Variants in SLC23A2 observed in about 807,000 individuals in gnomAD.
The protein encoded by SLC23A2 is solute carrier family 23 member 2.
Under a neutral mutation model 73.3 loss-of-function variants are expected in SLC23A2, and 36 were observed. That is an observed-to-expected ratio of 0.49 (90% CI 0.38 to 0.65). The LOEUF is 0.65. SLC23A2 is among the 30% of genes least tolerant of loss of function. SLC23A2 has a pLI of 0.00. For missense variants in SLC23A2, 507 were observed against 841.6 expected (o/e 0.60, Z 4.92); for synonymous variants, 343 against 327.3 (o/e 1.05, Z -0.52).
chr20:4,920,390 A>G (rs1305751458), intron 3 of SLC23A2, among the ~76,000 whole-genome samples: 3 of 152,336 alleles, frequency 2.0e-5, no homozygotes, highest in Non-Finnish European at 1.5e-5. Flanking sequence ...ACAGAGGGCA[A>G]TTTGGTGAGT....
upstream of SLC23A2, among the ~76,000 whole-genome samples, chr20:5,004,186 T>C (rs971503103): frequency 6.6e-6 from 1 of 152,168 alleles, no homozygotes; most frequent in Admixed American, 6.5e-5. Flanking sequence ...CTGAATATTC[T>C]CCAGGAATTG....
At chr20:4,956,727 A>G (rs963872125) in intron 2 of SLC23A2, among the ~76,000 whole-genome samples, 2 of 151,948 alleles carry the variant, frequency 1.3e-5, no homozygotes, top group African/African-American at 4.8e-5. Flanking sequence ...GCTCCCTTGC[A>G]GCTAGATGCA....
Position 4,899,197 on chromosome 20 carries a change from C to T in SLC23A2, c.482+358G>A, listed in dbSNP as rs747185191. Among the ~76,000 whole-genome samples the T allele has an allele frequency of 2.6e-5, 4 of 152,166 alleles. No homozygotes were observed. Among genetic ancestry groups the T allele is most frequent in the Non-Finnish European group, 4.4e-5 (3 of 68,030 alleles). ...ACAAAGTGAGTCCAAGAGCAGTGCC[C>T]TGGAGGCAGGGAAGCCAACGGGGAG... On this transcript the variant is annotated intron_variant, in intron 6 of 16. Transcript: ENST00000338244. This position sits in a 1 kb window ranked among gnomAD's most constrained non-coding sequence, Gnocchi z 4.9.
At chr20:4,919,946 C>T (rs1932447974) in intron 3 of SLC23A2, among the ~76,000 whole-genome samples, 1 of 152,180 alleles carries the variant, frequency 6.6e-6, no homozygotes, top group Non-Finnish European at 1.5e-5. Context: ...CAACCTTACT[C>T]ATAAGAAGAT....
chr20:4,867,934 G>T, intron 12 of SLC23A2, 59 bp from the exon 13 acceptor site: 3 of 991,852 alleles, frequency 3.0e-6, no homozygotes, highest in Non-Finnish European at 4.8e-6. Context: ...CATTCACTCT[G>T]AAATAGCCTC....
upstream of SLC23A2, among the ~76,000 whole-genome samples, chr20:5,006,390 G>A (rs2088191349): frequency 6.6e-6 from 1 of 151,698 alleles, no homozygotes; most frequent in South Asian, 2.1e-4. Flanking sequence ...GAGCCACCGT[G>A]CCCAGTCATA....
chr20:4,890,734 A>T (rs1020358876), intron 6 of SLC23A2, among the ~76,000 whole-genome samples: 1 of 151,466 alleles, frequency 6.6e-6, no homozygotes, highest in African/African-American at 2.4e-5. Context: ...GTATCCATCC[A>T]TCCATCCATC....
chr20:4,867,241 C>T (rs1043269567), intron 13 of SLC23A2, among the ~76,000 whole-genome samples: 2 of 152,018 alleles, frequency 1.3e-5, no homozygotes, highest in East Asian at 3.9e-4. Flanking sequence ...CCTTCCACTT[C>T]CAGGATAGGG....
chr20:4,966,003 G>C (rs572179188), intron 2 of SLC23A2, among the ~76,000 whole-genome samples: 2 of 149,048 alleles, frequency 1.3e-5, no homozygotes, highest in African/African-American at 4.9e-5. Flanking sequence ...AGGAGATCAA[G>C]GCTGCGGTGA....
intron 9 of SLC23A2, among the ~76,000 whole-genome samples, chr20:4,877,158 T>C (rs553571524): frequency 3.0e-4 from 45 of 152,036 alleles, no homozygotes; most frequent in African/African-American, 1.0e-3. Flanking sequence ...ACTTAAAGTA[T>C]AATAAAATAT....
At position 4,883,740 on chromosome 20, in the gene SLC23A2, G is replaced by A. The variant is rs764030094; in HGVS notation, c.726C>T (p.Ile242=). The A allele has an allele frequency of 1.9e-6, 3 of 1,613,832 alleles. No individual in the cohort carries two copies. The highest frequency in any genetic ancestry group is 2.5e-6 in the Non-Finnish European group (3 of 1,179,748). ...LGLPGALLKY[I]GPLTITPTVA... ...CCGTGGGTGTAATGGTCAAGGGACC[G>A]ATGTACTTCAGTAGAGCCCCAGGCA... Residue 242 remains isoleucine (I), a synonymous_variant, in exon 9 of 17, where the codon ATC becomes ATT. Transcript: ENST00000338244. This position sits in a 1 kb window ranked among gnomAD's most constrained non-coding sequence, Gnocchi z 4.5.
intron 2 of SLC23A2, among the ~76,000 whole-genome samples, chr20:4,958,394 G>C (rs141098219): frequency 1.3e-5 from 2 of 152,170 alleles, no homozygotes; most frequent in Non-Finnish European, 2.9e-5. Flanking sequence ...CCAGTAGGTG[G>C]ATGGCATCAT....
At chr20:4,869,715 A>T in intron 12 of SLC23A2, 191 bp downstream of exon 12, 1 of 504,540 alleles carries the variant, frequency 2.0e-6, no homozygotes, top group Non-Finnish European at 3.5e-6. Flanking sequence ...AATGAAAGTA[A>T]ACAAAGGCAG....
intron 2 of SLC23A2, among the ~76,000 whole-genome samples, chr20:4,938,018 T>C (rs2122956238): frequency 6.6e-6 from 1 of 151,230 alleles, no homozygotes; most frequent in East Asian, 1.9e-4. Flanking sequence ...TTAACTCGTG[T>C]TCTCATTCCA....
At chr20:4,913,770 G>A (rs146358137) in intron 3 of SLC23A2, among the ~76,000 whole-genome samples, 3 of 152,054 alleles carry the variant, frequency 2.0e-5, no homozygotes, top group African/African-American at 4.8e-5. Flanking sequence ...GGAATTACAG[G>A]TGCCCACCAC....
intron 13 of SLC23A2, among the ~76,000 whole-genome samples, chr20:4,867,057 TAA>T (rs71197732): frequency 9.2e-5 from 7 of 76,484 alleles, no homozygotes; most frequent in Admixed American, 1.7e-4. Flanking sequence ...AAGCGATCCC[TAA>T]AAAAAAAAAA....
intron 2 of SLC23A2, among the ~76,000 whole-genome samples, chr20:4,964,210 G>C (rs6052995): frequency 0.4 from 60,681 of 151,456 alleles, 12,413 homozygotes; most frequent in Admixed American, 0.48. Context: ...GCCCTGGCTG[G>C]TCTTGAACTC....
rs1012522970 is a variant in SLC23A2, at chr20:5,008,948, G to A, written c.-282+1234C>T. Among the ~76,000 whole-genome samples, 4 of 152,068 alleles carry A rather than the reference G, an allele frequency of 2.6e-5. No individual in the cohort carries two copies. In the East Asian group the frequency reaches 7.7e-4, roughly 29 times the overall value. The stretch of plus-strand genomic sequence containing the variant: ...CTTCTCAGCTCAGCTTCTCAAAAAA[G>A]CCACGTACAGTATTTATTTCCTCCT... On this transcript the variant is annotated intron_variant, in intron 1 of 16. Transcript: ENST00000379333.
At chr20:4,957,617 C>T (rs2087312069) in intron 2 of SLC23A2, among the ~76,000 whole-genome samples, 1 of 149,162 alleles carries the variant, frequency 6.7e-6, no homozygotes, top group African/African-American at 2.5e-5. Context: ...AAAAACCCAA[C>T]AGGCTGAGCG....
Sources: allele counts gnomAD v4.1 joint callset (sites outside exome capture counted in the v4.1 genomes callset), GRCh38; gene constraint gnomAD v4.1.1; non-coding constraint Gnocchi (gnomAD v3.1); transcripts MANE v1.5; gene names NCBI Gene and HGNC (gene_info 2026-07-23, HGNC 2026-07-21).